The following MMRN1 variants were observed in gnomAD, a reference collection of about 807,000 sequenced individuals.
The protein encoded by MMRN1 is multimerin 1.
Under a neutral mutation model 100.7 loss-of-function variants are expected in MMRN1, and 94 were observed. The ratio of observed to expected loss-of-function variants is 0.93; its 90% CI spans 0.79 to 1.11. The LOEUF is 1.11. Ranked by LOEUF, MMRN1 falls within the 50% of genes least tolerant of loss-of-function variation. The pLI, the probability that MMRN1 is intolerant of heterozygous loss-of-function variation, is 0.00. For missense variants in MMRN1, 1,606 were observed against 1,439.1 expected, an observed-to-expected ratio of 1.12 and a Z score of -1.88; for synonymous variants, 575 against 505.0, an observed-to-expected ratio of 1.14 and a Z score of -1.86.
chr4:89,883,253 G>A (rs937492664), intron 1 of MMRN1, among the ~76,000 whole-genome samples: 3 of 151,954 alleles, frequency 2.0e-5, no homozygotes, highest in African/African-American at 4.8e-5. Flanking sequence ...CCTTGTGTAA[G>A]TATCTCAGGC....
At chr4:89,910,980 C>T (rs577241162) in intron 2 of MMRN1, among the ~76,000 whole-genome samples, 1 of 151,534 alleles carries the variant, frequency 6.6e-6, no homozygotes, top group South Asian at 2.1e-4. Flanking sequence ...GCCCACATGA[C>T]ATGGGCTAAA....
chr4:89,929,701 C>A (rs1011971870), intron 5 of MMRN1, among the ~76,000 whole-genome samples: 1 of 151,992 alleles, frequency 6.6e-6, no homozygotes, highest in Non-Finnish European at 1.5e-5. Flanking sequence ...AAACTCCCTC[C>A]GCAATAGGAG....
rs990304900 is a variant in MMRN1, at chr4:89,895,251, G to A, written c.280G>A (p.Gly94Ser). Residue 94 changes from glycine to serine, a missense_variant, in exon 1 of 8, where the codon GGT becomes AGT. Coordinates refer to ENST00000264790, the MANE Select transcript of MMRN1 (RefSeq NM_007351.3). ...PPSETSAPAE[G>S]VRNQTLTSTE... is the part of the protein sequence containing the mutation. ...CTCAGAAACAAGTGCACCTGCTGAG[G>A]GTGTGAGAAATCAAACTCTCACATC... 3 of 1,613,736 alleles carry A rather than the reference G, an allele frequency of 1.9e-6. No individual in the cohort carries two copies. Among genetic ancestry groups the A allele is most frequent in the Non-Finnish European group, 2.5e-6 (3 of 1,179,896 alleles).
chr4:89,926,940 C>A (rs1031665938), intron 4 of MMRN1, among the ~76,000 whole-genome samples: 1 of 152,008 alleles, frequency 6.6e-6, no homozygotes, highest in Non-Finnish European at 1.5e-5. Context: ...ACTGTAGATA[C>A]ATGGATTTGT....
intron 3 of MMRN1, among the ~76,000 whole-genome samples, chr4:89,915,712 A>C (rs1721890459): frequency 6.6e-6 from 1 of 151,662 alleles, no homozygotes; most frequent in Admixed American, 6.6e-5. Flanking sequence ...CAAGGGGAAA[A>C]AAAGAGAGTA....
upstream of MMRN1, among the ~76,000 whole-genome samples, chr4:89,892,363 G>A (rs1028398548): frequency 6.6e-6 from 1 of 151,130 alleles, no homozygotes; most frequent in African/African-American, 2.4e-5. Context: ...TCCAACAATA[G>A]TATTTTAGTA....
intron 4 of MMRN1, among the ~76,000 whole-genome samples, chr4:89,925,099 T>C (rs1398706576): frequency 6.6e-6 from 1 of 151,932 alleles, no homozygotes; most frequent in Non-Finnish European, 1.5e-5. Flanking sequence ...TATTAAATAG[T>C]AGATCTTATT....
intron 1 of MMRN1, among the ~76,000 whole-genome samples, chr4:89,903,238 A>G (rs1003398178): frequency 1.3e-4 from 20 of 151,894 alleles, no homozygotes; most frequent in African/African-American, 4.8e-4. Context: ...AATTTGATTA[A>G]AAACTTCTCT....
Position 89,946,447 on chromosome 4 carries a change from A to G in MMRN1, c.3119-5158A>G, listed in dbSNP as rs138089356. On this transcript the variant is annotated intron_variant, in intron 6 of 7. Transcript: ENST00000264790. Reference sequence around the variant, plus strand: ...AGTAAGCAATAAAATATAAAGTAAAATTAAAATAAAAGTATATGATAGATA... The same window carrying G: ...AGTAAGCAATAAAATATAAAGTAAAGTTAAAATAAAAGTATATGATAGATA... Among the ~76,000 whole-genome samples the G allele has an allele frequency of 7.4e-4, 113 of 152,320 alleles. 1 individual carries two copies. Among genetic ancestry groups the G allele is most frequent in the African/African-American group, 2.5e-3 (105 of 41,568 alleles).
At chr4:89,888,900 A>G (rs542855894) in intron 1 of MMRN1, among the ~76,000 whole-genome samples, 2 of 152,086 alleles carry the variant, frequency 1.3e-5, no homozygotes, top group African/African-American at 2.4e-5. Flanking sequence ...TATACTTCCA[A>G]TATCTTGGTG....
At chr4:89,920,955 G>A (rs1221525302) in intron 3 of MMRN1, among the ~76,000 whole-genome samples, 2 of 151,752 alleles carry the variant, frequency 1.3e-5, no homozygotes, top group African/African-American at 2.4e-5. Flanking sequence ...TTCCATCTAC[G>A]AGGAAAAAAA....
chr4:89,894,654 G>T, upstream of MMRN1: 1 of 207,858 alleles, frequency 4.8e-6, no homozygotes, highest in Admixed American at 5.4e-5. Flanking sequence ...CTCAGGAAAA[G>T]AAAGTTACTT....
intron 1 of MMRN1, among the ~76,000 whole-genome samples, chr4:89,898,406 T>C (rs925812570): frequency 1.3e-5 from 2 of 152,054 alleles, no homozygotes; most frequent in East Asian, 3.9e-4. Context: ...CCAAGCTGGC[T>C]GGCTTTAGAG....
intron 3 of MMRN1, among the ~76,000 whole-genome samples, chr4:89,922,809 A>G (rs1329883889): frequency 1.3e-5 from 2 of 152,178 alleles, no homozygotes; most frequent in Non-Finnish European, 2.9e-5. Context: ...GTGGCAGTCC[A>G]CTTATAAGAA....
rs376467094 is a variant in MMRN1 at position 89,909,398 on chromosome 4, A to T, written c.743+3A>T. On this transcript the variant is annotated splice_donor_region_variant and intron_variant, in intron 2 of 7. Coordinates refer to ENST00000264790, the MANE Select transcript of MMRN1 (RefSeq NM_007351.3). Reference sequence around the variant, plus strand: ...ACCGGTGGATCCTGTCCTCAGAGGTATGTAATATTTCTTGAAAATAGCCAC... The same window carrying T: ...ACCGGTGGATCCTGTCCTCAGAGGTTTGTAATATTTCTTGAAAATAGCCAC... The T allele has an allele frequency of 1.2e-6, 2 of 1,608,366 alleles. No homozygotes were observed. The highest frequency in any genetic ancestry group is 3.4e-5 in the Admixed American group (2 of 59,244).
chr4:89,913,919 A>G (rs999766273), intron 3 of MMRN1, among the ~76,000 whole-genome samples: 2 of 151,386 alleles, frequency 1.3e-5, no homozygotes, highest in African/African-American at 2.4e-5. Flanking sequence ...ATTGTCATAC[A>G]ACCAATTCTA....
intron 1 of MMRN1, among the ~76,000 whole-genome samples, chr4:89,886,939 A>G (rs1391739158): frequency 6.6e-6 from 1 of 152,012 alleles, no homozygotes; most frequent in Non-Finnish European, 1.5e-5. Context: ...GTGCTACTGA[A>G]CCTTATATCT....
chr4:89,896,971 T>C (rs1216645233), intron 1 of MMRN1, among the ~76,000 whole-genome samples: 1 of 152,154 alleles, frequency 6.6e-6, no homozygotes. Context: ...AGATTTGCCA[T>C]TAAAAAAACA....
At chr4:89,914,181 G>A (rs1721842320) in intron 3 of MMRN1, among the ~76,000 whole-genome samples, 1 of 151,354 alleles carries the variant, frequency 6.6e-6, no homozygotes, top group Non-Finnish European at 1.5e-5. Context: ...TTCTAAATAT[G>A]CAGGGAATAT....
Sources: gnomAD v4.1 joint callset for allele counts (sites outside exome capture counted in the v4.1 genomes callset) on GRCh38, gnomAD v4.1.1 for gene constraint, MANE v1.5 for transcripts, NCBI Gene and HGNC (gene_info 2026-07-23, HGNC 2026-07-21) for gene names.